The following TNNI3K variants were observed in gnomAD, a reference collection of about 807,000 sequenced individuals.
TNNI3K encodes the protein serine/threonine-protein kinase TNNI3K.
Under a neutral mutation model 114.5 loss-of-function variants are expected in TNNI3K, and 140 were observed. That is an observed-to-expected ratio of 1.22 (90% CI 1.07 to 1.41). The LOEUF is 1.41. Among genes scored for constraint, TNNI3K ranks in the 40% most tolerant of loss-of-function variants. TNNI3K has a pLI of 0.00. For missense variants in TNNI3K, 1,125 were observed against 1,007.6 expected, an observed-to-expected ratio of 1.12 and a Z score of -1.58; for synonymous variants, 347 against 347.5, an observed-to-expected ratio of 1.00 and a Z score of 0.02.
At chr1:74,387,078 A>G (rs892547535) in intron 17 of TNNI3K, among the ~76,000 whole-genome samples, 1 of 152,214 alleles carries the variant, frequency 6.6e-6, no homozygotes, top group Non-Finnish European at 1.5e-5. Context: ...AAATACATTT[A>G]ACAGATAGTT....
chr1:74,353,081 C>T (rs987175534), intron 9 of TNNI3K, among the ~76,000 whole-genome samples, 185 bp from the exon 10 acceptor site: 3 of 152,122 alleles, frequency 2.0e-5, no homozygotes, highest in Non-Finnish European at 4.4e-5. Context: ...TGTTCCTATT[C>T]GGCCATCTTG....
At chr1:74,341,891 G>C (rs1269347870) in intron 7 of TNNI3K, 3 of 152,178 alleles carry the variant, frequency 2.0e-5, no homozygotes, top group Non-Finnish European at 4.4e-5. Context: ...TGCCAAGATA[G>C]ATTAGGCCCT....
At chr1:74,419,751 T>C (rs1293894783) in intron 17 of TNNI3K, among the ~76,000 whole-genome samples, 1 of 152,130 alleles carries the variant, frequency 6.6e-6, no homozygotes, top group African/African-American at 2.4e-5. Flanking sequence ...GCAGAAAATT[T>C]GGATAACCTA....
At chr1:74,464,588 C>A in intron 21 of TNNI3K, 2 of 1,524,630 alleles carry the variant, frequency 1.3e-6, no homozygotes, top group Non-Finnish European at 1.8e-6. Context: ...AGGCCCCAGT[C>A]CAGATGTTTG....
At chr1:74,280,337 G>T (rs189994239) in intron 5 of TNNI3K, among the ~76,000 whole-genome samples, 1 of 151,734 alleles carries the variant, frequency 6.6e-6, no homozygotes, top group African/African-American at 2.4e-5. Context: ...AGCAGAGATC[G>T]TGCCACTGCA....
At chr1:74,363,971 G>GTATTAT (rs368456076) in intron 11 of TNNI3K, among the ~76,000 whole-genome samples, 59,148 of 135,078 alleles carry the variant, frequency 0.44, 13,781 homozygotes, top group Non-Finnish European at 0.51. Flanking sequence ...CAGATGAGGG[G>GTATTAT]TATTATTATT....
At chr1:74,534,264 T>C (rs111897284) in intron 23 of TNNI3K, among the ~76,000 whole-genome samples, 34 of 152,272 alleles carry the variant, frequency 2.2e-4, no homozygotes, top group African/African-American at 7.9e-4. Context: ...TCTGTTATAA[T>C]TCACCAAATC....
At chr1:74,388,552 T>C (rs1663607507) in intron 17 of TNNI3K, among the ~76,000 whole-genome samples, 1 of 152,164 alleles carries the variant, frequency 6.6e-6, no homozygotes, top group Non-Finnish European at 1.5e-5. Flanking sequence ...CTTCGTCTTT[T>C]CTCAGCCACC....
intron 7 of TNNI3K, among the ~76,000 whole-genome samples, chr1:74,340,868 A>G (rs17095161): frequency 0.095 from 14,451 of 152,210 alleles, 1,018 homozygotes; most frequent in African/African-American, 0.2. Flanking sequence ...GATAATCAGA[A>G]GAACCAACAT....
At chr1:74,406,509 A>G (rs1664621132) in intron 17 of TNNI3K, among the ~76,000 whole-genome samples, 1 of 152,098 alleles carries the variant, frequency 6.6e-6, no homozygotes, top group South Asian at 2.1e-4. Context: ...TCTGTCTCAC[A>G]CTTTAAATCT....
intron 21 of TNNI3K, among the ~76,000 whole-genome samples, chr1:74,473,201 C>T (rs1668023826): frequency 6.6e-6 from 1 of 152,086 alleles, no homozygotes; most frequent in Non-Finnish European, 1.5e-5. Flanking sequence ...TCACAAGAGA[C>T]GTGATCCATT....
intron 17 of TNNI3K, chr1:74,375,516 A>T (rs1183362968): frequency 3.5e-5 from 16 of 452,392 alleles, no homozygotes; most frequent in Non-Finnish European, 6.7e-5. Flanking sequence ...GCTTCTGGGG[A>T]TAAATCACTA....
At chr1:74,518,502 C>T (rs1188014281) in intron 23 of TNNI3K, among the ~76,000 whole-genome samples, 3 of 152,088 alleles carry the variant, frequency 2.0e-5, no homozygotes, top group Non-Finnish European at 4.4e-5. Flanking sequence ...ATTCTCCCAC[C>T]TCAATATGCC....
At chr1:74,479,995 A>T (rs1368669478) in intron 21 of TNNI3K, among the ~76,000 whole-genome samples, 1 of 152,188 alleles carries the variant, frequency 6.6e-6, no homozygotes, top group Non-Finnish European at 1.5e-5. Flanking sequence ...AATTCTTGCA[A>T]CCTGTGCCAA....
At chr1:74,296,746 A>G (rs1020852545) in intron 5 of TNNI3K, among the ~76,000 whole-genome samples, 1 of 152,166 alleles carries the variant, frequency 6.6e-6, no homozygotes, top group Admixed American at 6.5e-5. Flanking sequence ...TTTTGTTTTC[A>G]TACTTTAAAG....
At chr1:74,425,703 G>A (rs554436100) in intron 17 of TNNI3K, among the ~76,000 whole-genome samples, 1 of 152,122 alleles carries the variant, frequency 6.6e-6, no homozygotes, top group Admixed American at 6.6e-5. Flanking sequence ...AGAAATAATC[G>A]AGCAGCGTCC....
At chr1:74,541,529 C>T (rs1310835007) in intron 24 of TNNI3K, 9 of 152,200 alleles carry the variant, frequency 5.9e-5, no homozygotes, top group Admixed American at 3.9e-4. Flanking sequence ...TTCTTCAAAC[C>T]TTTACAGATG....
chr1:74,347,231 A>G (rs1399976813), intron 9 of TNNI3K, among the ~76,000 whole-genome samples: 8 of 136,422 alleles, frequency 5.9e-5, no homozygotes, highest in Admixed American at 1.7e-4. Context: ...ATTCCCACCT[A>G]TGAGTGAGAA....
intron 9 of TNNI3K, among the ~76,000 whole-genome samples, chr1:74,347,440 G>A (rs929214623): frequency 3.3e-5 from 5 of 152,118 alleles, no homozygotes; most frequent in African/African-American, 1.2e-4. Context: ...TTGCTATTGT[G>A]AATAGTGCCG....
Sources: allele counts gnomAD v4.1 joint callset (sites outside exome capture counted in the v4.1 genomes callset), GRCh38; gene constraint gnomAD v4.1.1; transcripts MANE v1.5; gene names NCBI Gene and HGNC (gene_info 2026-07-23, HGNC 2026-07-21).